Variants in PHACTR1 observed in about 807,000 individuals in gnomAD.
The protein encoded by PHACTR1 is RPEL repeat containing 1.
Under a neutral mutation model 69.2 loss-of-function variants are expected in PHACTR1, and 16 were observed. The ratio of observed to expected loss-of-function variants is 0.23; its 90% CI spans 0.16 to 0.35. PHACTR1 has a LOEUF of 0.35. PHACTR1 is among the 10% of genes least tolerant of loss of function. The probability of loss-of-function intolerance (pLI) is 1.00; values close to 1 mark genes in which losing one functional copy is unlikely to be tolerated. For synonymous variants in PHACTR1, 312 were observed against 284.5 expected (o/e 1.10, Z -0.97); for missense variants, 510 against 734.7 (o/e 0.69, Z 3.54).
chr6:12,964,402 G>A (rs1351600524), intron 4 of PHACTR1, among the ~76,000 whole-genome samples: 1 of 152,168 alleles, frequency 6.6e-6, no homozygotes, highest in Admixed American at 6.5e-5. Flanking sequence ...TAACCTAAGA[G>A]TCTTGAGAGC....
chr6:12,726,712 A>C (rs1302761879), intron 3 of PHACTR1, among the ~76,000 whole-genome samples: 2 of 152,144 alleles, frequency 1.3e-5, no homozygotes, highest in African/African-American at 4.8e-5. Context: ...CTGGACCTAC[A>C]GGTCTGATTT....
At chr6:13,192,217 T>C (rs1358999725) in intron 7 of PHACTR1, among the ~76,000 whole-genome samples, 1 of 152,136 alleles carries the variant, frequency 6.6e-6, no homozygotes, top group African/African-American at 2.4e-5. Context: ...TCTAAATAAA[T>C]TCAAGTATAA....
intron 4 of PHACTR1, among the ~76,000 whole-genome samples, chr6:12,819,872 C>G (rs1401908636): frequency 1.3e-5 from 2 of 152,136 alleles, no homozygotes; most frequent in Non-Finnish European, 2.9e-5. Context: ...CATCCTCATT[C>G]TAGCTTATTC....
chr6:12,778,456 G>A (rs1399234405), intron 4 of PHACTR1, among the ~76,000 whole-genome samples: 1 of 152,088 alleles, frequency 6.6e-6, no homozygotes. Flanking sequence ...AAGAACACAG[G>A]AAAGTCTTCA....
At chr6:13,171,250 T>C (rs1337296444) in intron 6 of PHACTR1, among the ~76,000 whole-genome samples, 1 of 149,472 alleles carries the variant, frequency 6.7e-6, no homozygotes, top group Non-Finnish European at 1.5e-5. Context: ...TGTGTGCCTC[T>C]GTAGTTCTGT....
intron 4 of PHACTR1, among the ~76,000 whole-genome samples, chr6:13,010,003 C>A (rs991849445): frequency 1.3e-5 from 2 of 152,204 alleles, no homozygotes; most frequent in South Asian, 4.1e-4. Context: ...ACCCTCCCCA[C>A]CCCACACCCC....
chr6:13,141,724 C>CTTTTTT (rs577073698), intron 5 of PHACTR1, among the ~76,000 whole-genome samples: 251 of 88,796 alleles, frequency 2.8e-3, no homozygotes, highest in East Asian at 4.6e-3. Context: ...TTTCTTCTTT[C>CTTTTTT]TTTTTTTTTT....
chr6:12,827,798 T>A (rs553287494), intron 4 of PHACTR1, among the ~76,000 whole-genome samples: 2 of 152,272 alleles, frequency 1.3e-5, no homozygotes, highest in South Asian at 4.1e-4. Context: ...CAGAAGTAAA[T>A]TTTAATGTAA....
At chr6:13,285,299 T>C (rs772307734) in intron 13 of PHACTR1, among the ~76,000 whole-genome samples, 74 of 152,194 alleles carry the variant, frequency 4.9e-4, no homozygotes, top group Non-Finnish European at 9.4e-4. Flanking sequence ...AAGCCAGCCT[T>C]CTTTTCCTGG....
At chr6:13,119,874 A>G (rs1818436140) in intron 5 of PHACTR1, among the ~76,000 whole-genome samples, 1 of 152,184 alleles carries the variant, frequency 6.6e-6, no homozygotes, top group African/African-American at 2.4e-5. Flanking sequence ...ACTTGTAGAG[A>G]CAAAGTCTGA....
intron 4 of PHACTR1, among the ~76,000 whole-genome samples, chr6:13,048,675 G>A (rs536340853): frequency 1.3e-5 from 2 of 152,240 alleles, no homozygotes; most frequent in East Asian, 3.9e-4. Flanking sequence ...GGGATTACAG[G>A]CACATGCCAC....
At chr6:13,281,217 T>G (rs1322581260) in intron 12 of PHACTR1, 2 of 1,084,736 alleles carry the variant, frequency 1.8e-6, no homozygotes, top group African/African-American at 3.3e-5. Flanking sequence ...AATTTGAAAG[T>G]CAGGGCTTAA....
At chr6:13,212,316 A>C (rs1045612486) in intron 8 of PHACTR1, among the ~76,000 whole-genome samples, 9 of 152,116 alleles carry the variant, frequency 5.9e-5, no homozygotes, top group African/African-American at 2.2e-4. Flanking sequence ...TGTCCAACTC[A>C]CTAAGAGTAA....
chr6:13,162,165 T>G (rs1018892904), intron 6 of PHACTR1, among the ~76,000 whole-genome samples: 2 of 152,140 alleles, frequency 1.3e-5, no homozygotes, highest in Non-Finnish European at 1.5e-5. Flanking sequence ...AATGGCAGGA[T>G]CTTAGCTCAC....
At chr6:13,102,993 T>G (rs972319629) in intron 5 of PHACTR1, among the ~76,000 whole-genome samples, 1 of 152,230 alleles carries the variant, frequency 6.6e-6, no homozygotes, top group Non-Finnish European at 1.5e-5. Context: ...GTCCAAGCCA[T>G]GCTATTTTCT....
intron 3 of PHACTR1, among the ~76,000 whole-genome samples, chr6:12,726,744 G>A (rs1230833450): frequency 6.6e-6 from 1 of 152,162 alleles, no homozygotes; most frequent in Non-Finnish European, 1.5e-5. Context: ...ACTGGGGCAG[G>A]AACAGTGCTT....
intron 4 of PHACTR1, among the ~76,000 whole-genome samples, chr6:12,947,179 TA>T (rs1001680863): frequency 6.6e-6 from 1 of 152,000 alleles, no homozygotes; most frequent in East Asian, 1.9e-4. Context: ...ACTTCTAGAT[TA>T]AAAAAAGGAA....
At chr6:12,943,248 C>T (rs1220238506) in intron 4 of PHACTR1, among the ~76,000 whole-genome samples, 1 of 152,126 alleles carries the variant, frequency 6.6e-6, no homozygotes, top group East Asian at 1.9e-4. Flanking sequence ...AAATACTATG[C>T]CAAGAGAAAG....
chr6:13,272,752 A>G (rs1198381825), intron 10 of PHACTR1, 108 bp from the exon 11 acceptor site: 2 of 1,612,718 alleles, frequency 1.2e-6, no homozygotes, highest in South Asian at 2.2e-5. Context: ...AGGATGGAAC[A>G]AGAACTCCAG....
Sources: gnomAD v4.1 joint callset for allele counts (sites outside exome capture counted in the v4.1 genomes callset) on GRCh38, gnomAD v4.1.1 for gene constraint, MANE v1.5 for transcripts, NCBI Gene and HGNC (gene_info 2026-07-23, HGNC 2026-07-21) for gene names.